The following DTNA variants were observed in gnomAD, a reference collection of about 807,000 sequenced individuals.
The protein encoded by DTNA is dystrobrevin alpha.
A neutral mutation model predicts 100.7 loss-of-function variants in DTNA; 43 were observed. The observed-to-expected ratio is 0.43, with a 90% CI of 0.33 to 0.55. The LOEUF is 0.55. DTNA is among the 20% of genes least tolerant of loss of function. DTNA has a pLI of 0.04. For missense variants in DTNA, 798 were observed against 953.9 expected (o/e 0.84, Z 2.15); for synonymous variants, 349 against 347.9 (o/e 1.00, Z -0.04).
intron 1 of DTNA, among the ~76,000 whole-genome samples, chr18:34,632,980 T>G (rs1330049407): frequency 6.8e-6 from 1 of 146,668 alleles, no homozygotes; most frequent in Non-Finnish European, 1.5e-5. Flanking sequence ...AACTGAGACA[T>G]AGAGAGGATT....
chr18:34,881,436 G>GTTTTTTTTTTTTTTTT (rs1603350679), intron 20 of DTNA, among the ~76,000 whole-genome samples: 2 of 68,424 alleles, frequency 2.9e-5, no homozygotes, highest in African/African-American at 1.5e-4. Flanking sequence ...TAATTAAAAT[G>GTTTTTTTTTTTTTTTT]CTTTTTTTTT....
At chr18:34,646,056 T>C (rs1377549961) in intron 1 of DTNA, among the ~76,000 whole-genome samples, 1 of 152,182 alleles carries the variant, frequency 6.6e-6, no homozygotes, top group Non-Finnish European at 1.5e-5. Context: ...TGGTATTCTT[T>C]TTATGGTTCA....
rs184410357 is a variant in DTNA at position 34,871,593 on chromosome 18, C to T, written c.1744-3646C>T. Among the ~76,000 whole-genome samples the T allele has an allele frequency of 1.3e-3, 197 of 152,346 alleles. 1 individual carries two copies. The highest frequency in any genetic ancestry group is 4.6e-3 in the African/African-American group (193 of 41,576). On this transcript the variant is annotated intron_variant, in intron 17 of 22. Coordinates refer to ENST00000444659, the MANE Select transcript of DTNA (RefSeq NM_001386795.1). ...CAGTTGTTAGCAGACAACCATGCCT[C>T]ATGACCAGGCTGGAGGCCACCATCC...
At chr18:34,598,886 T>C (rs1466839167) in intron 1 of DTNA, among the ~76,000 whole-genome samples, 1 of 151,998 alleles carries the variant, frequency 6.6e-6, no homozygotes, top group Non-Finnish European at 1.5e-5. Flanking sequence ...TTTAAGGCCT[T>C]GAAGTGCAAT....
At chr18:34,666,212 A>C (rs2144769566) in intron 1 of DTNA, among the ~76,000 whole-genome samples, 1 of 151,880 alleles carries the variant, frequency 6.6e-6, no homozygotes, top group African/African-American at 2.4e-5. Flanking sequence ...TGGCTGCATA[A>C]ATGTCTTCTT....
chr18:34,870,752 G>A (rs1217757081), intron 17 of DTNA, among the ~76,000 whole-genome samples: 2 of 151,872 alleles, frequency 1.3e-5, no homozygotes, highest in Non-Finnish European at 2.9e-5. Context: ...TCCACAATAC[G>A]TGTCACATTT....
chr18:34,835,507 AAGAGG>A (rs947314472), intron 11 of DTNA, among the ~76,000 whole-genome samples: 4 of 152,132 alleles, frequency 2.6e-5, no homozygotes, highest in African/African-American at 7.2e-5. Flanking sequence ...GAAGAAAAGG[AAGAGG>A]AGAGGAGAGG....
At chr18:34,794,807 G>T (rs2094900127) in intron 4 of DTNA, among the ~76,000 whole-genome samples, 1 of 152,144 alleles carries the variant, frequency 6.6e-6, no homozygotes. Context: ...CTTCATTTTT[G>T]TATAATTTTC....
chr18:34,528,760 C>T (rs943566591), intron 1 of DTNA, among the ~76,000 whole-genome samples: 1 of 151,978 alleles, frequency 6.6e-6, no homozygotes, highest in African/African-American at 2.4e-5. Context: ...GTTTTTTAAA[C>T]ATGAGCCTGC....
At chr18:34,513,457 T>G (rs2041291054) in intron 1 of DTNA, 2 of 152,168 alleles carry the variant, frequency 1.3e-5, no homozygotes, top group Admixed American at 1.3e-4. Context: ...AAAATGTTTC[T>G]CTGGCTCTGC....
intron 13 of DTNA, among the ~76,000 whole-genome samples, chr18:34,845,483 C>T (rs1214880339): frequency 6.6e-6 from 1 of 151,938 alleles, no homozygotes; most frequent in African/African-American, 2.4e-5. Flanking sequence ...ATTTATTTAT[C>T]AAAATACAAA....
chr18:34,866,611 C>G (rs1394212442), intron 17 of DTNA: 20 of 1,009,584 alleles, frequency 2.0e-5, no homozygotes, highest in Non-Finnish European at 8.3e-6. Flanking sequence ...TGTGAAACCT[C>G]TTTTTATAAA....
intron 9 of DTNA, chr18:34,821,401 T>C (rs1305661333): frequency 4.4e-6 from 2 of 455,850 alleles, no homozygotes; most frequent in Non-Finnish European, 8.8e-6. Context: ...TCATAGCCTG[T>C]GCAGGGGAAG....
intron 14 of DTNA, among the ~76,000 whole-genome samples, chr18:34,851,196 G>T (rs2096471509): frequency 6.6e-6 from 1 of 152,074 alleles, no homozygotes. Flanking sequence ...CTCCACCTCG[G>T]GCTCAAGCAA....
intron 4 of DTNA, among the ~76,000 whole-genome samples, chr18:34,805,876 C>T (rs771574120): frequency 1.4e-4 from 22 of 151,788 alleles, no homozygotes; most frequent in Non-Finnish European, 2.2e-4. Context: ...TTTTATGAAA[C>T]TCCAAGTGAA....
intron 1 of DTNA, among the ~76,000 whole-genome samples, chr18:34,651,506 T>C (rs1016233986): frequency 1.2e-4 from 19 of 152,332 alleles, no homozygotes; most frequent in African/African-American, 4.6e-4. Context: ...AGATCAACAT[T>C]GCTAAGACTC....
chr18:34,551,992 T>C (rs889814905), intron 1 of DTNA, among the ~76,000 whole-genome samples: 1 of 152,066 alleles, frequency 6.6e-6, no homozygotes, highest in African/African-American at 2.4e-5. Context: ...CCCCATGTTG[T>C]TCCCTTTGTC....
At chr18:34,582,109 T>C (rs1298043896) in intron 1 of DTNA, among the ~76,000 whole-genome samples, 1 of 152,162 alleles carries the variant, frequency 6.6e-6, no homozygotes, top group Non-Finnish European at 1.5e-5. Flanking sequence ...CTCCTAAATG[T>C]GGCTGCTCAG....
intron 3 of DTNA, among the ~76,000 whole-genome samples, chr18:34,767,229 C>CT (rs2093529404): frequency 5.2e-5 from 1 of 19,176 alleles, no homozygotes; most frequent in South Asian, 0.083. Context: ...AGGGTAGAAA[C>CT]CGGCATCTCC....
Sources: allele counts gnomAD v4.1 joint callset (sites outside exome capture counted in the v4.1 genomes callset), GRCh38; gene constraint gnomAD v4.1.1; transcripts MANE v1.5; gene names NCBI Gene and HGNC (gene_info 2026-07-23, HGNC 2026-07-21).